Variants in EXPH5 observed in about 807,000 individuals in gnomAD.
The protein encoded by EXPH5 is exophilin 5, also known as exophilin-5.
A neutral mutation model predicts 41.1 loss-of-function variants in EXPH5; 42 were observed. The ratio of observed to expected loss-of-function variants is 1.02; its 90% confidence interval spans 0.80 to 1.32. The LOEUF is 1.32. EXPH5 is among the 40% of genes most tolerant of loss of function. The pLI is 0.00. For synonymous variants in EXPH5, 798 were observed against 833.5 expected (o/e 0.96, Z 0.73); for missense variants, 2,298 against 2,314.5 (o/e 0.99, Z 0.15).
intron 1 of EXPH5, among the ~76,000 whole-genome samples, chr11:108,552,833 C>T (rs149248285): frequency 2.1e-4 from 32 of 152,212 alleles, no homozygotes; most frequent in African/African-American, 7.5e-4. Flanking sequence ...GTGGGAGAAT[C>T]TGAGCTCAGG....
chr11:108,570,315 T>C (rs917195222), intron 1 of EXPH5, among the ~76,000 whole-genome samples: 1 of 152,092 alleles, frequency 6.6e-6, no homozygotes, highest in Non-Finnish European at 1.5e-5. Context: ...AGTGCAGTGG[T>C]ACAATCTTGG....
At chr11:108,528,107 G>C in intron 4 of EXPH5, 29 bp downstream of exon 4, 1 of 1,508,812 alleles carries the variant, frequency 6.6e-7, no homozygotes, top group South Asian at 1.2e-5. Context: ...GAATTTCTTA[G>C]AGTAACCTGT....
chr11:108,532,354 ATATATATATATATTTTTTTTTTTTTTTT>A (rs1443088118), intron 3 of EXPH5, among the ~76,000 whole-genome samples: 311 of 23,006 alleles, frequency 0.014, 21 homozygotes, highest in African/African-American at 0.055. Flanking sequence ...ATATATATAT[ATATATATATATATTTTTTTTTTTTTTTT>A]TTTTTTTTTT....
intron 1 of EXPH5, among the ~76,000 whole-genome samples, chr11:108,555,827 G>T (rs1591733653): frequency 6.6e-6 from 1 of 152,252 alleles, no homozygotes; most frequent in Non-Finnish European, 1.5e-5. Flanking sequence ...CATTATATTT[G>T]TAAGTTTCCT....
At chr11:108,575,731 T>C (rs139652771) in intron 1 of EXPH5, among the ~76,000 whole-genome samples, 6,306 of 152,240 alleles carry the variant, frequency 0.041, 152 homozygotes, top group African/African-American at 0.053. Context: ...CCCAGCACTT[T>C]GGGAGGCCGA....
intron 1 of EXPH5, among the ~76,000 whole-genome samples, chr11:108,552,625 A>T (rs940575521): frequency 2.0e-5 from 3 of 152,202 alleles, no homozygotes; most frequent in African/African-American, 7.2e-5. Flanking sequence ...TTCTGTATTT[A>T]AAAAATTGAC....
At chr11:108,555,060 T>C (rs146500667) in intron 1 of EXPH5, among the ~76,000 whole-genome samples, 36 of 152,328 alleles carry the variant, frequency 2.4e-4, no homozygotes, top group African/African-American at 8.4e-4. Context: ...AATCACAGCA[T>C]GATCATGAGA....
At chr11:108,573,357 C>T (rs2094069418) in intron 1 of EXPH5, among the ~76,000 whole-genome samples, 1 of 152,134 alleles carries the variant, frequency 6.6e-6, no homozygotes, top group Non-Finnish European at 1.5e-5. Context: ...ATGGAGACCT[C>T]ATGATGAATG....
chr11:108,556,009 G>C (rs1273473509), intron 1 of EXPH5, among the ~76,000 whole-genome samples: 1 of 152,192 alleles, frequency 6.6e-6, no homozygotes, highest in Non-Finnish European at 1.5e-5. Context: ...ACAGGAGCAA[G>C]AGCGATGGCC....
Position 108,593,501 on chromosome 11 carries a change from G to C in EXPH5, c.36C>G (p.Phe12Leu), listed in dbSNP as rs745881702. Residue 12 changes from phenylalanine to leucine, a missense_variant, in exon 1 of 6, where the codon TTC becomes TTG. Phe to Leu is a conservative substitution (Grantham distance 22). Transcript: ENST00000265843. ...TCTTCCTGGCCTCTTCGTCATTTAA[G>C]AAACTGAAATCAAACGCCGGAGGAA... The part of the protein sequence containing the change: ...TKVPPAFDFS[F>L]LNDEEARKIL... 6.2e-7 allele frequency: 1 copy of C among 1,614,164 alleles called. No homozygotes were observed. The highest frequency in any genetic ancestry group is 1.1e-5 in the South Asian group (1 of 91,088).
At chr11:108,575,554 T>C (rs1440056953) in intron 1 of EXPH5, among the ~76,000 whole-genome samples, 1 of 152,226 alleles carries the variant, frequency 6.6e-6, no homozygotes, top group Non-Finnish European at 1.5e-5. Flanking sequence ...ATAGAATATA[T>C]GCAGTAGAAT....
chr11:108,595,175 A>G (rs1311329961), upstream of EXPH5, among the ~76,000 whole-genome samples: 1 of 152,362 alleles, frequency 6.6e-6, no homozygotes, highest in Non-Finnish European at 1.5e-5. Flanking sequence ...TGCCTATTAC[A>G]TGAAGGCATC....
intron 1 of EXPH5, 42 bp downstream of exon 1, chr11:108,593,376 G>C: frequency 6.4e-7 from 1 of 1,565,558 alleles, no homozygotes; most frequent in Non-Finnish European, 8.8e-7. Flanking sequence ...CGGCCCCTGC[G>C]GGACCCAGGC....
chr11:108,526,091 AT>A (rs1354834997), intron 4 of EXPH5, among the ~76,000 whole-genome samples: 96 of 145,550 alleles, frequency 6.6e-4, no homozygotes, highest in African/African-American at 1.6e-3. Flanking sequence ...ATTAAAAAAA[AT>A]TTTTTTTTTT....
intron 1 of EXPH5, among the ~76,000 whole-genome samples, chr11:108,546,293 A>G (rs1466289089): frequency 6.6e-6 from 1 of 152,136 alleles, no homozygotes; most frequent in Non-Finnish European, 1.5e-5. Flanking sequence ...TTGGATTTGC[A>G]TTTTAGAAGA....
intron 1 of EXPH5, among the ~76,000 whole-genome samples, chr11:108,570,916 G>C (rs949286): frequency 0.47 from 70,805 of 152,034 alleles, 16,779 homozygotes; most frequent in Admixed American, 0.51. Context: ...CAATATTTGT[G>C]AGGTGGGTTT....
chr11:108,600,597 G>A, the EXPH5 span, among the ~76,000 whole-genome samples: 21 of 152,212 alleles, frequency 1.4e-4, no homozygotes, highest in African/African-American at 3.9e-4. Context: ...TAGTGTCTGG[G>A]TGGAAGACTT....
chr11:108,548,706 C>G (rs2093950107), intron 1 of EXPH5, among the ~76,000 whole-genome samples: 1 of 152,176 alleles, frequency 6.6e-6, no homozygotes, highest in Non-Finnish European at 1.5e-5. Flanking sequence ...AATTCATCTT[C>G]TTAACCCTAC....
Position 108,563,773 on chromosome 11 carries a change from G to A in EXPH5, c.120-21961C>T, listed in dbSNP as rs1036026598. On this transcript the variant is annotated intron_variant, in intron 1 of 5. Coordinates refer to ENST00000265843, the MANE Select transcript of EXPH5 (RefSeq NM_015065.3). ...AGGGGTGGAGAGGCAGAGGTTGATG[G>A]GGAAAGGGAAAAGGATCAAATCCTC... Among the ~76,000 whole-genome samples the A allele has an allele frequency of 2.1e-4, 32 of 152,256 alleles. No individual in the cohort carries two copies. The East Asian group carries it at 5.6e-3, about 27-fold the overall frequency.
Sources: allele counts gnomAD v4.1 joint callset (sites outside exome capture counted in the v4.1 genomes callset), GRCh38; gene constraint gnomAD v4.1.1; transcripts MANE v1.5; gene names NCBI Gene and HGNC (gene_info 2026-07-23, HGNC 2026-07-21).